ADGRE3: variants seen among roughly 807,000 people sequenced by gnomAD.
The protein encoded by ADGRE3 is adhesion G protein-coupled receptor E3, also known as EGF-like module receptor 3.
Under a neutral mutation model 80.1 loss-of-function variants are expected in ADGRE3, and 88 were observed. The observed-to-expected ratio is 1.10, with a 90% CI of 0.93 to 1.31. The LOEUF (loss-of-function observed/expected upper bound fraction) is 1.31, where lower values mean the gene tolerates loss of function less well. ADGRE3 is among the 40% of genes most tolerant of loss of function. The probability of loss-of-function intolerance (pLI) is 0.00; values close to 1 mark genes in which losing one functional copy is unlikely to be tolerated. For missense variants in ADGRE3, 715 were observed against 776.5 expected (o/e 0.92, Z 0.94); for synonymous variants, 281 against 294.8 (o/e 0.95, Z 0.48).
chr19:14,629,934 T>C, intron 14 of ADGRE3, 105 bp downstream of exon 14: 2 of 704,960 alleles, frequency 2.8e-6, no homozygotes, highest in Non-Finnish European at 4.6e-6. Flanking sequence ...AGGTGGATTA[T>C]AATCTCATGT....
chr19:14,628,003 C>T (rs1237870079), intron 14 of ADGRE3, among the ~76,000 whole-genome samples: 1 of 151,830 alleles, frequency 6.6e-6, no homozygotes. Flanking sequence ...AGGTGTGCAC[C>T]TGTAATCCCA....
intron 10 of ADGRE3, among the ~76,000 whole-genome samples, chr19:14,640,498 C>A (rs1260848508): frequency 6.6e-6 from 1 of 151,976 alleles, no homozygotes; most frequent in South Asian, 2.1e-4. Context: ...GCCATGTTGA[C>A]CAGGCTGGCC....
Position 14,638,153 on chromosome 19 carries a change from A to G in ADGRE3, c.1436T>C (p.Val479Ala). Reference protein sequence around the residue: ...PVGYGVPAVTVAISAASWPHL... With the variant: ...PVGYGVPAVTAAISAASWPHL... ...AGGCCAGGAGGCTGCAGAAATGGCC[A>G]CAGTCACAGCGGGAACGCCATAGCC... Residue 479 changes from valine to alanine, a missense_variant, in exon 11 of 16, where the codon GTG becomes GCG. By Grantham distance (64) the Val-to-Ala change is moderately conservative. Coordinates refer to ENST00000253673, the MANE Select transcript of ADGRE3 (RefSeq NM_032571.5). 6.2e-7 allele frequency: 1 copy of G among 1,614,098 alleles called. No individual in the cohort carries two copies. The highest frequency in any genetic ancestry group is 8.5e-7 in the Non-Finnish European group (1 of 1,179,996).
intron 5 of ADGRE3, 111 bp from the exon 6 acceptor site, chr19:14,655,276 C>G: frequency 3.4e-6 from 3 of 891,974 alleles, no homozygotes; most frequent in Non-Finnish European, 5.0e-6. Flanking sequence ...GGAGGAACCA[C>G]GTTCAAATCC....
At chr19:14,663,360 GTC>G in intron 3 of ADGRE3, 56 bp downstream of exon 3, 1 of 1,125,746 alleles carries the variant, frequency 8.9e-7, no homozygotes, top group East Asian at 4.1e-5. Flanking sequence ...GCAAGACCCT[GTC>G]TCTAATAATA....
chr19:14,659,817 C>T (rs8104347), intron 4 of ADGRE3, among the ~76,000 whole-genome samples: 32,186 of 105,704 alleles, frequency 0.3, 5,222 homozygotes, highest in African/African-American at 0.43. Flanking sequence ...CGAGACTCTG[C>T]CTCTGAAAAA....
At chr19:14,624,838 G>A (rs1420332959) in intron 15 of ADGRE3, among the ~76,000 whole-genome samples, 2 of 151,686 alleles carry the variant, frequency 1.3e-5, no homozygotes, top group Non-Finnish European at 2.9e-5. Flanking sequence ...ACCAAACACC[G>A]CATGTTCTCA....
At chr19:14,665,212 C>T (rs963206690) in intron 2 of ADGRE3, among the ~76,000 whole-genome samples, 4 of 151,396 alleles carry the variant, frequency 2.6e-5, no homozygotes, top group Non-Finnish European at 2.9e-5. Flanking sequence ...TAGAGGTGCC[C>T]GCCACCACGC....
At chr19:14,672,237 T>G (rs1277703147) in intron 1 of ADGRE3, among the ~76,000 whole-genome samples, 1 of 152,202 alleles carries the variant, frequency 6.6e-6, no homozygotes, top group Non-Finnish European at 1.5e-5. Flanking sequence ...CTGTACTCAC[T>G]AATTTGGGCA....
intron 15 of ADGRE3, among the ~76,000 whole-genome samples, chr19:14,620,562 ATATATATTTTTTTTTTTTTTTTTTT>A: frequency 4.5e-5 from 1 of 22,076 alleles, no homozygotes; most frequent in Non-Finnish European, 8.0e-5. Flanking sequence ...ATATATATAT[ATATATATTTTTTTTTTTTTTTTTTT>A]TTTTTTTTTT....
chr19:14,641,820 A>C (rs1227210156), intron 9 of ADGRE3, among the ~76,000 whole-genome samples: 1 of 152,146 alleles, frequency 6.6e-6, no homozygotes, highest in Non-Finnish European at 1.5e-5. Context: ...GTAGACTGCC[A>C]ATGTAGATTG....
intron 9 of ADGRE3, among the ~76,000 whole-genome samples, chr19:14,643,163 T>A (rs1454993358): frequency 7.3e-6 from 1 of 137,090 alleles, no homozygotes; most frequent in African/African-American, 2.9e-5. Flanking sequence ...TTTTTTTTTT[T>A]TTAGACAGAG....
rs1254072594 is a variant in ADGRE3, at chr19:14,638,216, C to A, written c.1373G>T (p.Ser458Ile). The change falls in exon 11 of 16, where the codon AGC (serine) becomes ATC (isoleucine). Residue 458 changes from serine (S) to isoleucine (I), a missense_variant. Ser to Ile is a moderately radical substitution (Grantham distance 142). Transcript: ENST00000253673. ...ARNLTVVNYS[S>I]INRLMKWIMF... ...GATCCACTTCATGAGTCTATTGATG[C>A]TTGAGTAGTTGACCACTGTCAGGTT... The A allele has an allele frequency of 2.5e-6, 4 of 1,614,106 alleles. No individual in the cohort carries two copies. Among genetic ancestry groups the A allele is most frequent in the Non-Finnish European group, 3.4e-6 (4 of 1,180,020 alleles).
the ADGRE3 span, among the ~76,000 whole-genome samples, chr19:14,603,068 A>T: frequency 6.6e-6 from 1 of 152,212 alleles, no homozygotes; most frequent in Non-Finnish European, 1.5e-5. Context: ...AAATTAGGTA[A>T]TGTAAATGAG....
intron 4 of ADGRE3, among the ~76,000 whole-genome samples, chr19:14,659,822 GAAAA>G (rs66908687): frequency 2.2e-5 from 1 of 44,840 alleles, no homozygotes; most frequent in African/African-American, 8.9e-5. Context: ...CTCTGCCTCT[GAAAA>G]AAAAAAAAAA....
Position 14,621,768 on chromosome 19 carries a change from A to G in ADGRE3, c.1921-2297T>C, listed in dbSNP as rs904295566. The G allele has an allele frequency of 3.9e-5, 40 of 1,028,164 alleles. 14 individuals carry two copies. In the South Asian group the frequency reaches 5.6e-4, roughly 15 times the overall value. 63.7% of individuals were successfully genotyped at this position (1,028,164 alleles called of 1,614,324 possible). ...TCCCTTCTGTCATGAATTATCATTA[A>G]AAGCTTCCATATCAGCAGTAATGCA... On this transcript the variant is annotated intron_variant, in intron 15 of 15. Transcript: ENST00000253673.
intron 11 of ADGRE3, among the ~76,000 whole-genome samples, chr19:14,633,871 G>A (rs1970960477): frequency 6.7e-6 from 1 of 149,404 alleles, no homozygotes; most frequent in Non-Finnish European, 1.5e-5. Flanking sequence ...CTGCCTCCTG[G>A]ATTCAAGTGA....
At chr19:14,643,143 G>GTT (rs1568485721) in intron 9 of ADGRE3, among the ~76,000 whole-genome samples, 1 of 122,066 alleles carries the variant, frequency 8.2e-6, no homozygotes, top group African/African-American at 3.6e-5. Flanking sequence ...TAGTAATCAT[G>GTT]GTTTTTTTTT....
intron 7 of ADGRE3, among the ~76,000 whole-genome samples, chr19:14,650,331 T>A (rs1190348807): frequency 2.0e-5 from 3 of 150,176 alleles, no homozygotes; most frequent in Non-Finnish European, 1.5e-5. Context: ...TCTCTTTCCA[T>A]CTCTTTCCCT....
Sources: gnomAD v4.1 joint callset for allele counts (sites outside exome capture counted in the v4.1 genomes callset) on GRCh38, gnomAD v4.1.1 for gene constraint, MANE v1.5 for transcripts, NCBI Gene and HGNC (gene_info 2026-07-23, HGNC 2026-07-21) for gene names.